Variants in PRKAR1B observed in about 807,000 individuals in gnomAD.
PRKAR1B encodes the protein protein kinase cAMP-dependent type I regulatory subunit beta.
PRKAR1B carries 22 observed loss-of-function variants against 46.5 expected under a neutral mutation model. The ratio of observed to expected loss-of-function variants is 0.47; its 90% confidence interval spans 0.34 to 0.68. The LOEUF (loss-of-function observed/expected upper bound fraction) is 0.68. Ranked by LOEUF, PRKAR1B falls within the 30% of genes least tolerant of loss-of-function variation. The pLI is 0.01. For missense variants in PRKAR1B, 445 were observed against 535.6 expected, an observed-to-expected ratio of 0.83 and a Z score of 1.67; for synonymous variants, 259 against 217.7, an observed-to-expected ratio of 1.19 and a Z score of -1.67.
At chr7:558,861 G>A (rs919465437) in intron 9 of PRKAR1B, among the ~76,000 whole-genome samples, 4 of 152,220 alleles carry the variant, frequency 2.6e-5, no homozygotes, top group Non-Finnish European at 4.4e-5. Flanking sequence ...TTGCCCGGCC[G>A]TGAGCCTCCA....
chr7:718,447 C>G (rs563571973), intron 1 of PRKAR1B, among the ~76,000 whole-genome samples: 6 of 151,354 alleles, frequency 4.0e-5, no homozygotes, highest in Non-Finnish European at 8.8e-5. Flanking sequence ...ACCTCTGGCT[C>G]CTGGGTTCAA....
chr7:555,002 G>A (rs1255043552), intron 9 of PRKAR1B, among the ~76,000 whole-genome samples: 4 of 152,130 alleles, frequency 2.6e-5, no homozygotes, highest in Non-Finnish European at 5.9e-5. Flanking sequence ...AGAGGCTGCC[G>A]TGGCTCCGGG....
At chr7:624,400 C>T (rs760690180) in intron 4 of PRKAR1B, among the ~76,000 whole-genome samples, 34 of 152,016 alleles carry the variant, frequency 2.2e-4, no homozygotes, top group Non-Finnish European at 4.1e-4. Context: ...CCACTGCACT[C>T]CAGCCTGGGC....
At chr7:662,254 G>A (rs1324175779) in intron 4 of PRKAR1B, among the ~76,000 whole-genome samples, 1 of 71,642 alleles carries the variant, frequency 1.4e-5, no homozygotes, top group African/African-American at 6.2e-5. Flanking sequence ...ACATGGCACA[G>A]GTCCCCCACC....
At chr7:558,580 ACT>A (rs1259342704) in intron 9 of PRKAR1B, among the ~76,000 whole-genome samples, 1 of 151,830 alleles carries the variant, frequency 6.6e-6, no homozygotes, top group African/African-American at 2.4e-5. Flanking sequence ...ACATGGTGAA[ACT>A]CTGTCTCTAC....
intron 4 of PRKAR1B, among the ~76,000 whole-genome samples, chr7:619,144 G>A (rs1351372836): frequency 1.3e-5 from 2 of 152,174 alleles, no homozygotes; most frequent in Non-Finnish European, 2.9e-5. Flanking sequence ...GACACACACA[G>A]GGAAAACACA....
At chr7:565,412 A>C (rs1186436527) in intron 9 of PRKAR1B, 1 of 152,222 alleles carries the variant, frequency 6.6e-6, no homozygotes, top group Non-Finnish European at 1.5e-5. Flanking sequence ...TCATGAAGCA[A>C]TGCATTCAGG....
chr7:578,178 G>A (rs1399889807), intron 9 of PRKAR1B, among the ~76,000 whole-genome samples: 4 of 152,208 alleles, frequency 2.6e-5, no homozygotes, highest in South Asian at 2.1e-4. Context: ...CACCTCTGGA[G>A]TCGAGTCCCA....
chr7:698,056 A>G lies in PRKAR1B; in HGVS notation c.177+13273T>C, dbSNP rs1037501673. Among the ~76,000 whole-genome samples, 47 of 20,590 alleles carry G rather than the reference A, an allele frequency of 2.3e-3. 1 individual carries two copies. The highest frequency in any genetic ancestry group is 3.1e-3 in the African/African-American group (14 of 4,590). 13.5% of individuals were successfully genotyped at this position (20,590 alleles called of 152,430 possible). A position where few individuals can be genotyped will look rare whatever the true frequency, so the allele number is the denominator to read the frequency against. ...AGGGGAGGGGAGGGAAGGGAAGGGA[A>G]GGGAGGGGAGGGGAGGGAAGGGAGC... is the stretch of plus-strand genomic sequence containing the variant. On this transcript the variant is annotated intron_variant, in intron 2 of 10. Transcript: ENST00000537384.
At chr7:696,214 T>C (rs61077915) in intron 2 of PRKAR1B, among the ~76,000 whole-genome samples, 5,199 of 151,920 alleles carry the variant, frequency 0.034, 333 homozygotes, top group African/African-American at 0.12. Context: ...CCTCCTGTCT[T>C]GACCTCCCAA....
intron 6 of PRKAR1B, among the ~76,000 whole-genome samples, chr7:601,582 C>G (rs968682637): frequency 6.6e-6 from 1 of 152,252 alleles, no homozygotes; most frequent in African/African-American, 2.4e-5. Context: ...TCCCACATCA[C>G]AGGAGGGCCC....
rs1279959576 is a variant in PRKAR1B, at chr7:593,307, A to ACGTCCCAGCT, written c.708+2829_708+2838dup. ...TCTCCCGCGTCCCCCAGGTCCCAGC[A>ACGTCCCAGCT]CGTCCCAGCTCGGGACTAAGGCAGA... On this transcript the variant is annotated intron_variant, in intron 7 of 10. Transcript: ENST00000537384. The surrounding 1 kb of genome is among the most constrained non-coding windows in gnomAD (Gnocchi z 6.1). Among the ~76,000 whole-genome samples, 1 of 152,160 alleles carries ACGTCCCAGCT rather than the reference A, an allele frequency of 6.6e-6. No individual in the cohort carries two copies. The highest frequency in any genetic ancestry group is 1.5e-5 in the Non-Finnish European group (1 of 68,038).
rs972433697 is a variant in PRKAR1B, at chr7:666,379, T to C, written c.440+10850A>G. Among the ~76,000 whole-genome samples, 3 of 152,130 alleles carry C rather than the reference T, an allele frequency of 2.0e-5. No homozygotes were observed. The highest frequency in any genetic ancestry group is 4.8e-5 in the African/African-American group (2 of 41,424). On this transcript the variant is annotated intron_variant, in intron 4 of 10. Transcript: ENST00000537384. This position sits in a 1 kb window ranked among gnomAD's most constrained non-coding sequence, Gnocchi z 4.9. The stretch of plus-strand genomic sequence containing the variant: ...ACGCGGGGCTGCTTCCTGAGGCTGC[T>C]GAGGTCCCTGGCCGAGGCGTAACTG...
At chr7:626,008 CAAAAAAAA>C (rs71016892) in intron 4 of PRKAR1B, among the ~76,000 whole-genome samples, 4 of 110,550 alleles carry the variant, frequency 3.6e-5, no homozygotes, top group African/African-American at 1.4e-4. Flanking sequence ...AACTCCATCT[CAAAAAAAA>C]AAAAAAAAAA....
At chr7:681,343 A>T (rs1778675747) in intron 2 of PRKAR1B, among the ~76,000 whole-genome samples, 1 of 151,552 alleles carries the variant, frequency 6.6e-6, no homozygotes, top group African/African-American at 2.4e-5. Context: ...AAAAAAAAGA[A>T]TTAGCTGTAA....
chr7:649,826 G>A (rs1784800632), intron 4 of PRKAR1B, among the ~76,000 whole-genome samples: 1 of 151,876 alleles, frequency 6.6e-6, no homozygotes. Flanking sequence ...TCAGCTTCCT[G>A]AGTAGCTGGG....
chr7:638,028 C>A (rs1489853811), intron 4 of PRKAR1B, among the ~76,000 whole-genome samples: 2 of 152,134 alleles, frequency 1.3e-5, no homozygotes, highest in African/African-American at 4.8e-5. Context: ...CTCATCCTGC[C>A]CCGCCGGCGG....
intron 1 of PRKAR1B, among the ~76,000 whole-genome samples, chr7:724,218 C>T (rs1280355034): frequency 6.6e-6 from 1 of 152,156 alleles, no homozygotes; most frequent in African/African-American, 2.4e-5. Context: ...CCCACCTCCG[C>T]CCTTTCACCT....
intron 8 of PRKAR1B, among the ~76,000 whole-genome samples, chr7:581,669 T>C (rs552570914): frequency 3.9e-5 from 6 of 152,324 alleles, no homozygotes; most frequent in African/African-American, 1.4e-4. Flanking sequence ...TACATTAATC[T>C]TGGATGAAAA....
Sources: allele counts gnomAD v4.1 joint callset (sites outside exome capture counted in the v4.1 genomes callset), GRCh38; gene constraint gnomAD v4.1.1; non-coding constraint Gnocchi (gnomAD v3.1); transcripts MANE v1.5; gene names NCBI Gene and HGNC (gene_info 2026-07-23, HGNC 2026-07-21).